CDH12: variants seen among roughly 807,000 people sequenced by gnomAD.
CDH12 encodes the protein cadherin 12.
CDH12 carries 41 observed loss-of-function variants against 74.1 expected under a neutral mutation model. The observed-to-expected ratio is 0.55, with a 90% confidence interval of 0.43 to 0.72. CDH12 has a LOEUF of 0.72. CDH12 is among the 30% of genes least tolerant of loss of function. CDH12 has a pLI of 0.00. For missense variants in CDH12, 945 were observed against 977.2 expected (o/e 0.97, Z 0.44); for synonymous variants, 399 against 355.0 (o/e 1.12, Z -1.39).
chr5:22,468,142 G>T (rs574240265), intron 2 of CDH12, among the ~76,000 whole-genome samples: 1 of 152,230 alleles, frequency 6.6e-6, no homozygotes, highest in Non-Finnish European at 1.5e-5. Context: ...AAGAGTCTTT[G>T]GTTCTTTTGA....
At chr5:22,752,991 AAAG>A (rs1368956432) in intron 1 of CDH12, among the ~76,000 whole-genome samples, 2 of 152,114 alleles carry the variant, frequency 1.3e-5, no homozygotes, top group Admixed American at 1.3e-4. Context: ...GAAAATAAAC[AAAG>A]AAGGGAATAG....
intron 1 of CDH12, among the ~76,000 whole-genome samples, chr5:22,803,506 A>G (rs1748637267): frequency 6.6e-6 from 1 of 152,206 alleles, no homozygotes; most frequent in South Asian, 2.1e-4. Flanking sequence ...GTCATAAAAA[A>G]TCAGACTCCA....
chr5:22,494,960 C>T (rs1243867833), intron 2 of CDH12, among the ~76,000 whole-genome samples: 3 of 152,052 alleles, frequency 2.0e-5, no homozygotes, highest in African/African-American at 4.8e-5. Context: ...GAAAATGAGA[C>T]GATAATTAAA....
chr5:21,830,569 A>G (rs540776057), intron 8 of CDH12, among the ~76,000 whole-genome samples: 1 of 152,170 alleles, frequency 6.6e-6, no homozygotes, highest in Non-Finnish European at 1.5e-5. Context: ...GCACATGAGT[A>G]TAGCTGATCA....
At chr5:22,208,375 A>C (rs1380596076) in intron 4 of CDH12, among the ~76,000 whole-genome samples, 2 of 152,196 alleles carry the variant, frequency 1.3e-5, no homozygotes, top group Admixed American at 1.3e-4. Context: ...ACTTCCTCTG[A>C]GAAGCACTCT....
intron 9 of CDH12, among the ~76,000 whole-genome samples, chr5:21,812,469 G>A (rs1326325240): frequency 6.6e-6 from 1 of 152,002 alleles, no homozygotes; most frequent in African/African-American, 2.4e-5. Flanking sequence ...ATTCTTTAAG[G>A]ATTCCTAATG....
intron 1 of CDH12, among the ~76,000 whole-genome samples, chr5:22,640,660 A>G (rs1739100063): frequency 6.6e-6 from 1 of 152,154 alleles, no homozygotes; most frequent in Non-Finnish European, 1.5e-5. Flanking sequence ...TCCCTTTCTT[A>G]TAATACCACC....
At chr5:21,800,957 G>A (rs1485462510) in intron 10 of CDH12, among the ~76,000 whole-genome samples, 1 of 152,122 alleles carries the variant, frequency 6.6e-6, no homozygotes, top group African/African-American at 2.4e-5. Flanking sequence ...ACTGTGAATC[G>A]ATTAAACCTC....
chr5:22,402,998 A>G (rs1742796175), intron 3 of CDH12, among the ~76,000 whole-genome samples: 1 of 152,240 alleles, frequency 6.6e-6, no homozygotes, highest in Non-Finnish European at 1.5e-5. Flanking sequence ...TGTCAAAGGA[A>G]TAAATTTTGC....
At chr5:22,547,259 T>C (rs541943056) in intron 1 of CDH12, among the ~76,000 whole-genome samples, 1 of 152,302 alleles carries the variant, frequency 6.6e-6, no homozygotes, top group Non-Finnish European at 1.5e-5. Flanking sequence ...GATCACTTTA[T>C]ACAGACAAGA....
intron 3 of CDH12, among the ~76,000 whole-genome samples, chr5:22,303,069 C>A (rs1260512104): frequency 7.2e-5 from 11 of 151,926 alleles, no homozygotes; most frequent in Admixed American, 3.9e-4. Context: ...AATGTGGGTG[C>A]AAATATTTTA....
chr5:21,822,878 T>C (rs1440705852), intron 8 of CDH12, among the ~76,000 whole-genome samples: 3 of 152,136 alleles, frequency 2.0e-5, no homozygotes, highest in Admixed American at 6.6e-5. Context: ...ATTTCTTGTC[T>C]CTGAACAATG....
At chr5:22,373,025 C>G (rs543283327) in intron 3 of CDH12, among the ~76,000 whole-genome samples, 1 of 152,274 alleles carries the variant, frequency 6.6e-6, no homozygotes, top group Admixed American at 6.5e-5. Flanking sequence ...CTGCCCCCAC[C>G]TAAGCTTTCT....
chr5:21,765,387 A>G lies in CDH12; in HGVS notation c.1394-288T>C, dbSNP rs189647080. On this transcript the variant is annotated intron_variant, in intron 11 of 14. Transcript: ENST00000382254. ...ATACCAGGGTTAGTTCACAGAACCA[A>G]TCCTTACCAACAGTGATATTTTTCC... Among the ~76,000 whole-genome samples the G allele has an allele frequency of 3.3e-5, 5 of 152,254 alleles. No homozygotes were observed. The East Asian group carries it at 9.7e-4, about 30-fold the overall frequency.
intron 3 of CDH12, among the ~76,000 whole-genome samples, chr5:22,393,905 G>C (rs1254858376): frequency 6.6e-6 from 1 of 152,112 alleles, no homozygotes; most frequent in Non-Finnish European, 1.5e-5. Flanking sequence ...TGTAGAATTT[G>C]TAAGTGATGA....
At chr5:22,424,002 CAAAAA>C (rs1165781089) in intron 2 of CDH12, among the ~76,000 whole-genome samples, 1 of 31,226 alleles carries the variant, frequency 3.2e-5, no homozygotes, top group Non-Finnish European at 6.4e-5. Flanking sequence ...GACTCTGTCT[CAAAAA>C]AAAAAAAAAA....
chr5:21,943,306 C>T (rs1755421715), intron 6 of CDH12, among the ~76,000 whole-genome samples: 1 of 152,120 alleles, frequency 6.6e-6, no homozygotes, highest in South Asian at 2.1e-4. Flanking sequence ...TTATAGTTAG[C>T]ATTTACAAAG....
intron 3 of CDH12, among the ~76,000 whole-genome samples, chr5:22,403,735 GT>G (rs1426192065): frequency 6.6e-6 from 1 of 152,156 alleles, no homozygotes; most frequent in Non-Finnish European, 1.5e-5. Context: ...GCTTTATGAG[GT>G]TTTCGGTGCT....
chr5:22,727,256 A>C (rs899385795), intron 1 of CDH12, among the ~76,000 whole-genome samples: 2 of 151,844 alleles, frequency 1.3e-5, no homozygotes, highest in Admixed American at 1.3e-4. Context: ...CAAAACGTTA[A>C]GTAGGATATC....
Sources: gnomAD v4.1 joint callset for allele counts (sites outside exome capture counted in the v4.1 genomes callset) on GRCh38, gnomAD v4.1.1 for gene constraint, MANE v1.5 for transcripts, NCBI Gene and HGNC (gene_info 2026-07-23, HGNC 2026-07-21) for gene names.